The following SEH1L variants were observed in gnomAD, a reference collection of about 807,000 sequenced individuals.
The protein encoded by SEH1L is nucleoporin SEH1.
Under a neutral mutation model 49.5 loss-of-function variants are expected in SEH1L, and 18 were observed. The observed-to-expected ratio is 0.36, with a 90% CI of 0.25 to 0.54. The LOEUF (loss-of-function observed/expected upper bound fraction) is 0.54. Among genes scored for constraint, SEH1L ranks in the 20% least tolerant of loss-of-function variants. The pLI is 0.87. For synonymous variants in SEH1L, 169 were observed against 178.1 expected (o/e 0.95, Z 0.41); for missense variants, 404 against 528.8 (o/e 0.76, Z 2.31).
chr18:12,975,635 T>G, intron 5 of SEH1L: 3 of 910,762 alleles, frequency 3.3e-6, no homozygotes, highest in African/African-American at 1.8e-5. Flanking sequence ...GCCAGGCAGA[T>G]TTTGGAGAGT....
At chr18:12,985,344 C>A in intron 8 of SEH1L, 1 of 1,548,162 alleles carries the variant, frequency 6.5e-7, no homozygotes, top group Non-Finnish European at 8.7e-7. Context: ...TCCCCAGCGC[C>A]GTTTGACCTC....
Position 12,986,885 on chromosome 18 carries a change from C to T in SEH1L, c.1094C>T (p.Ser365Phe), listed in dbSNP as rs536901340. Residue 365 changes from serine to phenylalanine, a missense_variant, in exon 9 of 9, where the codon TCC (serine) becomes TTC (phenylalanine). Transcript: ENST00000399892. Reference protein sequence around the residue: ...AGRYFFTPLDSPRAGSRWSSY... With the variant: ...AGRYFFTPLDFPRAGSRWSSY... ...AGGTATTTCTTTACCCCTCTGGATT[C>T]CCCACGGGCTGGATCGAGATGGTCC... 2.3e-5 allele frequency: 37 copies of T among 1,603,404 alleles called. 1 individual carries two copies. The South Asian group carries it at 3.4e-4, about 15-fold the overall frequency.
At chr18:12,985,658 G>A (rs2032431240) in intron 8 of SEH1L, 1 of 976,558 alleles carries the variant, frequency 1.0e-6, no homozygotes, top group African/African-American at 1.7e-5. Context: ...TCTTAAAACA[G>A]CTTAAAATGA....
At chr18:12,954,551 C>CA (rs747782998) in intron 2 of SEH1L, among the ~76,000 whole-genome samples, 2 of 152,156 alleles carry the variant, frequency 1.3e-5, no homozygotes, top group Non-Finnish European at 1.5e-5. Context: ...ACTGCAGCCT[C>CA]AACCTTCCAG....
chr18:12,981,479 A>T (rs1222987868), intron 6 of SEH1L, among the ~76,000 whole-genome samples: 3 of 152,250 alleles, frequency 2.0e-5, no homozygotes, highest in Non-Finnish European at 4.4e-5. Context: ...AGGCTGGCGG[A>T]TCACTCGCGG....
At chr18:12,975,536 G>A (rs1457945228) in intron 5 of SEH1L, among the ~76,000 whole-genome samples, 8 of 151,676 alleles carry the variant, frequency 5.3e-5, no homozygotes, top group Non-Finnish European at 1.2e-4. Flanking sequence ...AAGCAGAGAG[G>A]AGGCAGGAGC....
intron 6 of SEH1L, among the ~76,000 whole-genome samples, chr18:12,981,246 C>T (rs2032241850): frequency 2.6e-5 from 4 of 151,912 alleles, no homozygotes. Context: ...AGAGGCTCCT[C>T]ACATCCCAGA....
At chr18:12,964,719 T>G (rs1290428154) in intron 4 of SEH1L, among the ~76,000 whole-genome samples, 1 of 144,312 alleles carries the variant, frequency 6.9e-6, no homozygotes, top group African/African-American at 2.6e-5. Flanking sequence ...CACTGCAAGC[T>G]CCGCCTCCTG....
chr18:12,968,770 A>C (rs1598961169), intron 4 of SEH1L, among the ~76,000 whole-genome samples: 1 of 152,156 alleles, frequency 6.6e-6, no homozygotes, highest in South Asian at 2.1e-4. Flanking sequence ...TGTCTACACT[A>C]TTCAGTCAGA....
intron 1 of SEH1L, among the ~76,000 whole-genome samples, chr18:12,949,442 GTTTTTT>G (rs71174155): frequency 5.8e-5 from 3 of 51,810 alleles, no homozygotes; most frequent in South Asian, 8.6e-4. Flanking sequence ...TACGTTAACC[GTTTTTT>G]TTTTTTTTTT....
intron 7 of SEH1L, among the ~76,000 whole-genome samples, chr18:12,983,790 A>T (rs749429704): frequency 2.7e-4 from 41 of 152,368 alleles, no homozygotes; most frequent in African/African-American, 3.1e-4. Flanking sequence ...CTTTGCTAGT[A>T]TCTGTAAGAT....
chr18:12,961,514 T>G (rs959264127), intron 3 of SEH1L, among the ~76,000 whole-genome samples: 1 of 152,204 alleles, frequency 6.6e-6, no homozygotes, highest in Non-Finnish European at 1.5e-5. Context: ...TCTCAACATT[T>G]GTGTTTGTAT....
At chr18:12,979,494 C>T (rs2032072566) in intron 6 of SEH1L, among the ~76,000 whole-genome samples, 1 of 151,994 alleles carries the variant, frequency 6.6e-6, no homozygotes, top group South Asian at 2.1e-4. Flanking sequence ...GGCAACCATC[C>T]GATTTCTCAA....
chr18:12,980,201 G>A lies in SEH1L; in HGVS notation c.761+1309G>A, dbSNP rs1390158426. ...CACCTCCCGGATGGGGCGGCTGGCC[G>A]GGCGGGGGGCTGACCCCCCCACCTC... is the stretch of plus-strand genomic sequence containing the variant. On this transcript the variant is annotated intron_variant, in intron 6 of 8. Coordinates refer to ENST00000399892, the MANE Select transcript of SEH1L (RefSeq NM_001013437.2). Among the ~76,000 whole-genome samples, 413 of 137,680 alleles carry A rather than the reference G, an allele frequency of 3.0e-3. 1 individual carries two copies. Among genetic ancestry groups the A allele is most frequent in the African/African-American group, 0.01 (380 of 36,662 alleles). The allele number at this position is 137,680 out of a possible 152,430, so 90.3% of individuals were successfully genotyped here.
At chr18:12,961,675 G>GAC in intron 3 of SEH1L, among the ~76,000 whole-genome samples, 1 of 151,396 alleles carries the variant, frequency 6.6e-6, no homozygotes, top group East Asian at 1.9e-4. Context: ...TATTGACTTA[G>GAC]TTTTTTTTTG....
chr18:12,982,384 A>G (rs1490282574), intron 6 of SEH1L, 134 bp from the exon 7 acceptor site: 1 of 605,470 alleles, frequency 1.7e-6, no homozygotes, highest in African/African-American at 1.9e-5. Context: ...TGTGCACATT[A>G]TTATAAAGTG....
chr18:12,981,791 T>G (rs970314492), intron 6 of SEH1L, among the ~76,000 whole-genome samples: 7 of 151,664 alleles, frequency 4.6e-5, no homozygotes, highest in Non-Finnish European at 7.4e-5. Context: ...AATTTTGAAT[T>G]GTGAATTTCA....
chr18:12,975,470 G>A (rs1361414747), intron 5 of SEH1L, among the ~76,000 whole-genome samples: 1 of 151,958 alleles, frequency 6.6e-6, no homozygotes, highest in Non-Finnish European at 1.5e-5. Context: ...GGTAGGGTGA[G>A]AAGTTTCAGC....
intron 4 of SEH1L, among the ~76,000 whole-genome samples, chr18:12,967,188 A>C (rs2031488225): frequency 1.3e-5 from 2 of 152,338 alleles, no homozygotes; most frequent in African/African-American, 4.8e-5. Context: ...CCTTGGGGAA[A>C]TACAGGGTTT....
Sources: gnomAD v4.1 joint callset for allele counts (sites outside exome capture counted in the v4.1 genomes callset) on GRCh38, gnomAD v4.1.1 for gene constraint, MANE v1.5 for transcripts, NCBI Gene and HGNC (gene_info 2026-07-23, HGNC 2026-07-21) for gene names.